Variants in MCM3 observed in about 807,000 individuals in gnomAD.
The protein encoded by MCM3 is minichromosome maintenance complex component 3.
MCM3 carries 59 observed loss-of-function variants against 91.3 expected under a neutral mutation model. The ratio of observed to expected loss-of-function variants is 0.65; its 90% confidence interval spans 0.52 to 0.80. The LOEUF is 0.80. MCM3 is among the 30% of genes least tolerant of loss of function. The pLI is 0.00. For synonymous variants in MCM3, 383 were observed against 379.6 expected, an observed-to-expected ratio of 1.01 and a Z score of -0.10; for missense variants, 919 against 1,035.4, an observed-to-expected ratio of 0.89 and a Z score of 1.54.
chr6:52,264,239 C>A lies in MCM3; in HGVS notation c.*349G>T, dbSNP rs2307319. The A allele has an allele frequency of 0.017, 4,097 of 236,852 alleles. 167 individuals are homozygous for A. The highest frequency in any genetic ancestry group is 0.087 in the African/African-American group (3,817 of 43,722). The allele number at this position is 236,852 out of a possible 1,614,324, so 14.7% of individuals were successfully genotyped here. A position where few individuals can be genotyped will look rare whatever the true frequency, so the allele number is the denominator to read the frequency against. Reference sequence around the variant, plus strand: ...GAAAAAAAACAAAACAAAAAAACAGCAAACAGAAAACAGTTGTGCCCCCAA... The same window carrying A: ...GAAAAAAAACAAAACAAAAAAACAGAAAACAGAAAACAGTTGTGCCCCCAA... On this transcript the variant is annotated 3_prime_UTR_variant, in exon 17 of 17. Transcript: ENST00000596288.
At chr6:52,270,031 G>C (rs1371798783) in intron 12 of MCM3, among the ~76,000 whole-genome samples, 2 of 152,138 alleles carry the variant, frequency 1.3e-5, no homozygotes, top group Non-Finnish European at 2.9e-5. Flanking sequence ...GATCAGACAT[G>C]AAACTACTTC....
chr6:52,282,250 G>T, intron 3 of MCM3, 75 bp from the exon 4 acceptor site: 2 of 1,343,912 alleles, frequency 1.5e-6, no homozygotes, highest in Non-Finnish European at 2.1e-6. Context: ...ACATATGCAA[G>T]CCTATAATGA....
chr6:52,268,279 AG>A (rs1275284962), intron 13 of MCM3, among the ~76,000 whole-genome samples: 1 of 152,230 alleles, frequency 6.6e-6, no homozygotes, highest in African/African-American at 2.4e-5. Flanking sequence ...CTTATAAATC[AG>A]GTGTCTAATT....
At chr6:52,275,792 GCACAT>G (rs1369149182) in intron 9 of MCM3, among the ~76,000 whole-genome samples, 2 of 152,180 alleles carry the variant, frequency 1.3e-5, no homozygotes, top group African/African-American at 4.8e-5. Flanking sequence ...ATTATATCTA[GCACAT>G]CACAGTCATG....
chr6:52,280,845 T>C lies in MCM3; in HGVS notation c.531+1200A>G, dbSNP rs576395327. Among the ~76,000 whole-genome samples the C allele has an allele frequency of 2.0e-5, 3 of 152,368 alleles. No individual in the cohort carries two copies. In the East Asian group the frequency reaches 5.8e-4, roughly 29 times the overall value. ...TGGGACCGTAAGCAAATTGTTTAAC[T>C]TCTCTGATCTCAGCATTTCATCTGG... On this transcript the variant is annotated intron_variant, in intron 4 of 16. Transcript: ENST00000596288.
Position 52,273,884 on chromosome 6 carries a change from A to G in MCM3, c.1407T>C (p.Ile469=). The change falls in exon 10 of 17, where the codon ATT becomes ATC. Residue 469 remains isoleucine, a synonymous_variant. Coordinates refer to ENST00000596288, the MANE Select transcript of MCM3 (RefSeq NM_002388.6). The part of the protein sequence containing the change: ...YDQYKTPMEN[I]GLQDSLLSRF... ...GTGACAGCAGTGAGTCCTGTAGCCC[A>G]ATGTTCTCCATTGGAGTCTTATACT... The G allele has an allele frequency of 1.2e-6, 2 of 1,613,992 alleles. No homozygotes were observed. Among genetic ancestry groups the G allele is most frequent in the Non-Finnish European group, 8.5e-7 (1 of 1,179,932 alleles).
intron 1 of MCM3, 46 bp downstream of exon 1, chr6:52,284,551 G>T: frequency 6.5e-7 from 1 of 1,542,968 alleles, no homozygotes; most frequent in Non-Finnish European, 8.7e-7. Context: ...GGCCGCGTCC[G>T]CAGGGGCTCC....
intron 16 of MCM3, chr6:52,265,145 C>T (rs1367532444): frequency 5.7e-6 from 2 of 348,690 alleles, no homozygotes; most frequent in Non-Finnish European, 5.6e-6. Context: ...TGAGTGCACA[C>T]TGATAAATTT....
At chr6:52,281,386 A>C (rs1476666504) in intron 4 of MCM3, among the ~76,000 whole-genome samples, 1 of 152,218 alleles carries the variant, frequency 6.6e-6, no homozygotes, top group Non-Finnish European at 1.5e-5. Context: ...AAAAATAATA[A>C]GAGTTGTGGC....
At chr6:52,270,942 C>A (rs949871667) in intron 12 of MCM3, among the ~76,000 whole-genome samples, 2 of 152,094 alleles carry the variant, frequency 1.3e-5, no homozygotes, top group East Asian at 3.9e-4. Flanking sequence ...AAGTCCCGGC[C>A]GGGCTCATGC....
At chr6:52,279,950 A>T (rs1765934273) in intron 4 of MCM3, among the ~76,000 whole-genome samples, 1 of 152,242 alleles carries the variant, frequency 6.6e-6, no homozygotes, top group Non-Finnish European at 1.5e-5. Flanking sequence ...GCTCATAGCA[A>T]CATTATGCCT....
At chr6:52,276,568 CT>C in intron 8 of MCM3, 92 bp from the exon 9 acceptor site, 5 of 1,117,498 alleles carry the variant, frequency 4.5e-6, no homozygotes, top group Non-Finnish European at 5.1e-6. Context: ...GAATCTCTCA[CT>C]TTGCACGTGA....
intron 14 of MCM3, 101 bp downstream of exon 14, chr6:52,267,764 G>A (rs1034329715): frequency 2.8e-6 from 2 of 705,048 alleles, no homozygotes; most frequent in East Asian, 2.7e-5. Context: ...GGACTCAAGT[G>A]ACCCACCCGC....
chr6:52,266,305 T>G lies in MCM3; in HGVS notation c.2159-161A>C, dbSNP rs1764637969. Among the ~76,000 whole-genome samples the G allele has an allele frequency of 2.0e-5, 3 of 152,290 alleles. No individual in the cohort carries two copies. The South Asian group carries it at 6.2e-4, about 32-fold the overall frequency. Reference sequence around the variant, plus strand: ...GGGGCCAGGCAGAACAATTAGGATATAGGGAAATCTTCATTGGATGATGAA... The same window carrying G: ...GGGGCCAGGCAGAACAATTAGGATAGAGGGAAATCTTCATTGGATGATGAA... On this transcript the variant is annotated intron_variant, in intron 15 of 16. Coordinates refer to ENST00000596288, the MANE Select transcript of MCM3 (RefSeq NM_002388.6).
chr6:52,272,750 T>C (rs548002138), intron 11 of MCM3, among the ~76,000 whole-genome samples: 1 of 152,354 alleles, frequency 6.6e-6, no homozygotes, highest in South Asian at 2.1e-4. Flanking sequence ...TGACTCCAAA[T>C]TCTACATTCT....
rs1765624410 is a variant in MCM3 at position 52,276,962 on chromosome 6, C to G, written c.1165+105G>C. 3 of 1,380,264 alleles carry G rather than the reference C, an allele frequency of 2.2e-6. No individual in the cohort carries two copies. The African/African-American group carries it at 4.3e-5, about 20-fold the overall frequency. The allele number at this position is 1,380,264 out of a possible 1,614,324, so 85.5% of individuals were successfully genotyped here. A position where few individuals can be genotyped will look rare whatever the true frequency, so the allele number is the denominator to read the frequency against. ...ATACTCAGTCCTCTATAATCTGGAC[C>G]CAACTAACCTATCAGCTGTATCTTC... On this transcript the variant is annotated intron_variant, in intron 8 of 16. Transcript: ENST00000596288.
chr6:52,273,609 G>A, intron 10 of MCM3, 133 bp downstream of exon 10: 1 of 932,934 alleles, frequency 1.1e-6, no homozygotes, highest in Non-Finnish European at 1.6e-6. Context: ...AAGGGGAGGT[G>A]GCTAAACAGT....
chr6:52,274,853 C>A (rs537796214), intron 9 of MCM3, among the ~76,000 whole-genome samples: 1 of 152,112 alleles, frequency 6.6e-6, no homozygotes, highest in Non-Finnish European at 1.5e-5. Context: ...ACCATGTTCA[C>A]GTTTCAGGTC....
chr6:52,277,277 T>C (rs1765661036), intron 7 of MCM3, 79 bp from the exon 8 acceptor site: 19 of 1,490,794 alleles, frequency 1.3e-5, no homozygotes, highest in Non-Finnish European at 1.1e-5. Flanking sequence ...AGCACAGCTC[T>C]TGACACAACA....
Sources: allele counts gnomAD v4.1 joint callset (sites outside exome capture counted in the v4.1 genomes callset), GRCh38; gene constraint gnomAD v4.1.1; transcripts MANE v1.5; gene names NCBI Gene and HGNC (gene_info 2026-07-23, HGNC 2026-07-21).